Variants in ABCB11 observed in about 807,000 individuals in gnomAD.
ABCB11 encodes the protein ATP binding cassette subfamily B member 11, also known as bile salt export pump.
ABCB11 carries 95 observed loss-of-function variants against 148.0 expected under a neutral mutation model. The ratio of observed to expected loss-of-function variants is 0.64; its 90% CI spans 0.54 to 0.76. ABCB11 has a LOEUF of 0.76. ABCB11 is among the 30% of genes least tolerant of loss of function. ABCB11 has a pLI of 0.00. For missense variants in ABCB11, 1,523 were observed against 1,617.8 expected, an observed-to-expected ratio of 0.94 and a Z score of 1.01; for synonymous variants, 591 against 555.4, an observed-to-expected ratio of 1.06 and a Z score of -0.90.
At chr2:168,981,794 C>T (rs62171035) in intron 10 of ABCB11, among the ~76,000 whole-genome samples, 11,615 of 152,186 alleles carry the variant, frequency 0.076, 512 homozygotes, top group East Asian at 0.2. Context: ...GAAGTAATTA[C>T]TCAGTTCTGC....
intron 12 of ABCB11, among the ~76,000 whole-genome samples, chr2:168,975,075 A>G (rs957655683): frequency 7.4e-6 from 1 of 135,732 alleles, no homozygotes; most frequent in African/African-American, 2.7e-5. Context: ...AGATAAATAT[A>G]TAAATATTTT....
chr2:168,975,552 C>A (rs11890781), intron 12 of ABCB11, among the ~76,000 whole-genome samples: 1 of 6,164 alleles, frequency 1.6e-4, no homozygotes, highest in Non-Finnish European at 3.5e-4. Flanking sequence ...TATATAAATA[C>A]ATAAATATTT....
In ABCB11 at chr2:169,031,275, G is replaced by A. The variant is rs746730049; in HGVS notation, c.-78C>T. ...AGAGGAAATAATGGACTCCACTGTG[G>A]AGAGTTAAAAGGTTTCACAACCTTT... On this transcript the variant is annotated 5_prime_UTR_variant, in exon 1 of 28. Coordinates refer to ENST00000650372, the MANE Select transcript of ABCB11 (RefSeq NM_003742.4). 4 of 152,178 alleles carry A rather than the reference G, an allele frequency of 2.6e-5. No homozygotes were observed. The highest frequency in any genetic ancestry group is 4.8e-5 in the African/African-American group (2 of 41,446). 9.4% of individuals were successfully genotyped at this position (152,178 alleles called of 1,614,324 possible).
intron 12 of ABCB11, among the ~76,000 whole-genome samples, chr2:168,974,910 A>G (rs1221096849): frequency 6.7e-6 from 1 of 149,942 alleles, no homozygotes; most frequent in Non-Finnish European, 1.5e-5. Flanking sequence ...ACTTTATGTA[A>G]TCAGAATATA....
Position 168,921,870 on chromosome 2 carries a change from T to C in ABCB11, c.*1752A>G, listed in dbSNP as rs1382420340. 3.3e-5 allele frequency among the ~76,000 whole-genome samples: 5 copies of C among 150,150 alleles called. No individual in the cohort carries two copies. Among genetic ancestry groups the C allele is most frequent in the African/African-American group, 1.2e-4 (5 of 40,862 alleles). On this transcript the variant is annotated 3_prime_UTR_variant, in exon 28 of 28. Transcript: ENST00000650372. ...TCTTTTCTTTTTCTTTTTCTTTTTT[T>C]TTTTTTTTCGCTCTGTCGCCCAGGC...
At chr2:168,971,792 T>A in intron 14 of ABCB11, 55 bp downstream of exon 14, 1 of 1,534,352 alleles carries the variant, frequency 6.5e-7, no homozygotes, top group Non-Finnish European at 9.0e-7. Context: ...ATTGTGCAAC[T>A]TTTTTTCCTT....
rs1278475001 is a variant in ABCB11, at chr2:169,013,257, A to G, written c.389+15T>C. The stretch of plus-strand genomic sequence containing the variant: ...TGAGCAAAAAAGTAAAAAATTAAAA[A>G]CAAAAACAACCTACCCACAACGTGT... On this transcript the variant is annotated intron_variant, in intron 5 of 27. Transcript: ENST00000650372. The G allele has an allele frequency of 6.3e-7, 1 of 1,574,932 alleles. No homozygotes were observed. Among genetic ancestry groups the G allele is most frequent in the South Asian group, 1.2e-5 (1 of 85,680 alleles).
intron 21 of ABCB11, among the ~76,000 whole-genome samples, chr2:168,940,304 C>T (rs1489435357): frequency 6.6e-6 from 1 of 151,936 alleles, no homozygotes; most frequent in Non-Finnish European, 1.5e-5. Flanking sequence ...AAAAAAAGTT[C>T]TTGAAGGAAA....
rs3770595 is a variant in ABCB11 at position 168,983,399 on chromosome 2, G to A, written c.1083+2711C>T. ...TAAAATCTGGACCTGCAATACTTCA[G>A]TGGCTTTTCCAATCTGTAAAAACTG... is the stretch of plus-strand genomic sequence containing the variant. On this transcript the variant is annotated intron_variant, in intron 10 of 27. Transcript: ENST00000650372. Among the ~76,000 whole-genome samples the A allele has an allele frequency of 0.016, 2,373 of 152,208 alleles. 271 individuals carry two copies. In the East Asian group the frequency reaches 0.31, roughly 20 times the overall value.
At chr2:168,976,015 A>G (rs930669865) in intron 12 of ABCB11, among the ~76,000 whole-genome samples, 4 of 152,038 alleles carry the variant, frequency 2.6e-5, no homozygotes, top group African/African-American at 9.7e-5. Flanking sequence ...TGTAAAGATA[A>G]TTTAAAGGCA....
At position 168,993,803 on chromosome 2, in the gene ABCB11, A is replaced by T. The variant is rs1573953327; in HGVS notation, c.691T>A (p.Phe231Ile). ...CAACCCCTGAAAAATCCCAACAGGA[A>T]ACCACAGATGGTCGAGGTCATGCGC... The part of the protein sequence containing the change: ...IQRMTSTICG[F>I]LLGFFRGWKL... Residue 231 changes from phenylalanine (F) to isoleucine (I), a missense_variant, in exon 8 of 28, where the codon TTC becomes ATC. Phe to Ile is a conservative substitution (Grantham distance 21, BLOSUM62 0). Coordinates refer to ENST00000650372, the MANE Select transcript of ABCB11 (RefSeq NM_003742.4). The T allele has an allele frequency of 5.0e-6, 8 of 1,611,732 alleles. No homozygotes were observed. The African/African-American group carries it at 9.3e-5, about 19-fold the overall frequency.
At chr2:168,960,123 T>C (rs1273223382) in intron 18 of ABCB11, among the ~76,000 whole-genome samples, 2 of 151,420 alleles carry the variant, frequency 1.3e-5, no homozygotes, top group Admixed American at 6.6e-5. Flanking sequence ...TTCATGTGGG[T>C]TGATGATTAA....
At chr2:168,988,644 C>T (rs1694409583) in intron 9 of ABCB11, among the ~76,000 whole-genome samples, 2 of 152,088 alleles carry the variant, frequency 1.3e-5, no homozygotes, top group Non-Finnish European at 2.9e-5. Flanking sequence ...AGTGGGGATG[C>T]TGGATCATAT....
chr2:168,969,872 A>C (rs1019664877), intron 15 of ABCB11, among the ~76,000 whole-genome samples, 173 bp downstream of exon 15: 1 of 152,072 alleles, frequency 6.6e-6, no homozygotes, highest in Non-Finnish European at 1.5e-5. Context: ...TCTTCTGTTC[A>C]ACTGTGAGGA....
chr2:168,939,503 T>C (rs1436686039), intron 21 of ABCB11, among the ~76,000 whole-genome samples: 1 of 152,128 alleles, frequency 6.6e-6, no homozygotes, highest in South Asian at 2.1e-4. Context: ...ATATTTATTA[T>C]AAATGCTTTT....
chr2:168,948,915 C>T (rs74668308), intron 19 of ABCB11, among the ~76,000 whole-genome samples: 4,288 of 151,682 alleles, frequency 0.028, 124 homozygotes, highest in African/African-American at 0.075. Context: ...ACAACTCATG[C>T]TTGTGGGGTC....
chr2:168,923,651 G>T lies in ABCB11; in HGVS notation c.3937C>A (p.Leu1313Ile). The change falls in exon 28 of 28, where the codon CTA becomes ATA. Residue 1313 changes from leucine to isoleucine, a missense_variant. Transcript: ENST00000650372. ...LMAQKGAYYKLVTTGSPIS is the reference protein window; with the variant it reads ...LMAQKGAYYKIVTTGSPIS ...CTGATGGGGGATCCAGTGGTGACTAGTTTGTAGTAGGCTCCTTTTTGGGCC... is the reference window on the plus strand; with the variant it reads ...CTGATGGGGGATCCAGTGGTGACTATTTTGTAGTAGGCTCCTTTTTGGGCC... 6.2e-7 allele frequency: 1 copy of T among 1,613,834 alleles called. No homozygotes were observed. Among genetic ancestry groups the T allele is most frequent in the South Asian group, 1.1e-5 (1 of 91,076 alleles).
chr2:168,958,927 T>C lies in ABCB11; in HGVS notation c.2179-799A>G, dbSNP rs575908186. Reference sequence around the variant, plus strand: ...TTATTACCCACTTTGAGAAAGGATTTTAGGTAGCTTATATAGATTTGTATT... The same window carrying C: ...TTATTACCCACTTTGAGAAAGGATTCTAGGTAGCTTATATAGATTTGTATT... On this transcript the variant is annotated intron_variant, in intron 18 of 27. Transcript: ENST00000650372. 4.6e-5 allele frequency among the ~76,000 whole-genome samples: 7 copies of C among 151,874 alleles called. No individual in the cohort carries two copies. The South Asian group carries it at 1.5e-3, about 32-fold the overall frequency.
At chr2:168,941,800 A>C (rs1277610421) in intron 21 of ABCB11, among the ~76,000 whole-genome samples, 1 of 152,044 alleles carries the variant, frequency 6.6e-6, no homozygotes, top group Non-Finnish European at 1.5e-5. Flanking sequence ...TTCAGCAACC[A>C]CCACCGTGGT....
Sources: allele counts gnomAD v4.1 joint callset (sites outside exome capture counted in the v4.1 genomes callset), GRCh38; gene constraint gnomAD v4.1.1; transcripts MANE v1.5; gene names NCBI Gene and HGNC (gene_info 2026-07-23, HGNC 2026-07-21).